Variants in TMEM63C observed in about 807,000 individuals in gnomAD.
The protein encoded by TMEM63C is transmembrane protein 63C.
In TMEM63C, 32 loss-of-function variants were observed where a neutral mutation model predicts 99.2. The ratio of observed to expected loss-of-function variants is 0.32; its 90% CI spans 0.24 to 0.43. The LOEUF is 0.43. Ranked by LOEUF, TMEM63C falls within the 20% of genes least tolerant of loss-of-function variation. TMEM63C has a pLI of 1.00. For missense variants in TMEM63C, 826 were observed against 1,053.0 expected, an observed-to-expected ratio of 0.78 and a Z score of 2.98; for synonymous variants, 376 against 397.9, an observed-to-expected ratio of 0.94 and a Z score of 0.66.
chr14:77,214,115 CT>C (rs1888539756), intron 2 of TMEM63C, among the ~76,000 whole-genome samples: 1 of 152,238 alleles, frequency 6.6e-6, no homozygotes, highest in East Asian at 1.9e-4. Flanking sequence ...CTCCTGAAAC[CT>C]TTCCATGGTG....
At chr14:77,205,266 G>C (rs779505968) in intron 1 of TMEM63C, among the ~76,000 whole-genome samples, 1 of 152,198 alleles carries the variant, frequency 6.6e-6, no homozygotes, top group Admixed American at 6.5e-5. Flanking sequence ...TAAGGAGAGC[G>C]AAGAAAGCCC....
Position 77,219,470 on chromosome 14 carries a change from A to C in TMEM63C, c.151-28A>C, listed in dbSNP as rs781317569. On this transcript the variant is annotated intron_variant, in intron 3 of 23. Transcript: ENST00000298351. Reference sequence around the variant, plus strand: ...GGGGAAGGGATCCATGAAGTCTCCCACCCCACATTGCTTTTCCTGGCCTGT... The same window carrying C: ...GGGGAAGGGATCCATGAAGTCTCCCCCCCCACATTGCTTTTCCTGGCCTGT... 3 of 1,611,988 alleles carry C rather than the reference A, an allele frequency of 1.9e-6. No individual in the cohort carries two copies. In the African/African-American group the frequency reaches 4.0e-5, roughly 22 times the overall value.
At chr14:77,226,278 C>T (rs535690365) in intron 6 of TMEM63C, among the ~76,000 whole-genome samples, 2 of 152,288 alleles carry the variant, frequency 1.3e-5, no homozygotes, top group East Asian at 3.9e-4. Flanking sequence ...CACAGAGGCC[C>T]CTCTGTCAGG....
intron 1 of TMEM63C, among the ~76,000 whole-genome samples, chr14:77,200,040 C>T (rs2140096398): frequency 6.6e-6 from 1 of 152,328 alleles, no homozygotes; most frequent in Admixed American, 6.5e-5. Context: ...ATAGCTAGTA[C>T]TCCCTTCAGT....
chr14:77,184,992 C>A (rs994117671), intron 1 of TMEM63C, among the ~76,000 whole-genome samples: 4 of 152,210 alleles, frequency 2.6e-5, no homozygotes, highest in Non-Finnish European at 5.9e-5. Flanking sequence ...CATTCCTTGC[C>A]AACACCCCTG....
intron 22 of TMEM63C, among the ~76,000 whole-genome samples, chr14:77,253,097 G>A (rs114208374): frequency 6.6e-6 from 1 of 152,186 alleles, no homozygotes; most frequent in Non-Finnish European, 1.5e-5. Flanking sequence ...CTTGGGAATA[G>A]AACATTCCAG....
In TMEM63C at chr14:77,220,102, C is replaced by A; in HGVS notation, c.312+15C>A. On this transcript the variant is annotated intron_variant, in intron 5 of 23. Coordinates refer to ENST00000298351, the MANE Select transcript of TMEM63C (RefSeq NM_020431.4). The stretch of plus-strand genomic sequence containing the variant: ...GCAGAGACAAGGTGAGTGCTGGGAG[C>A]GGTCTGGGCGGTGGGAGTCCCAGCA... 1 of 1,552,324 alleles carries A rather than the reference C, an allele frequency of 6.4e-7. No homozygotes were observed. The highest frequency in any genetic ancestry group is 8.7e-7 in the Non-Finnish European group (1 of 1,147,710).
intron 1 of TMEM63C, chr14:77,196,044 G>A (rs1888208658): frequency 6.5e-6 from 1 of 152,858 alleles, no homozygotes; most frequent in Non-Finnish European, 1.5e-5. Context: ...CCTGCACTGA[G>A]AGGGTTCTGT....
chr14:77,242,481 C>T lies in TMEM63C; in HGVS notation c.1187+12C>T. The stretch of plus-strand genomic sequence containing the variant: ...AAAGACATTATTTGGTAAGCCTCCT[C>T]CATCCCTCCCCTCTCCTCTGAGCTC... On this transcript the variant is annotated intron_variant, in intron 14 of 23. Coordinates refer to ENST00000298351, the MANE Select transcript of TMEM63C (RefSeq NM_020431.4). 2 of 1,612,712 alleles carry T rather than the reference C, an allele frequency of 1.2e-6. No individual in the cohort carries two copies. The highest frequency in any genetic ancestry group is 1.7e-6 in the Non-Finnish European group (2 of 1,179,206).
At chr14:77,220,457 A>G (rs1888670571) in intron 5 of TMEM63C, among the ~76,000 whole-genome samples, 1 of 151,898 alleles carries the variant, frequency 6.6e-6, no homozygotes, top group South Asian at 2.1e-4. Context: ...TTTCACATAG[A>G]AGATTCTAGT....
chr14:77,211,011 A>G (rs935853445), intron 1 of TMEM63C, among the ~76,000 whole-genome samples: 2 of 152,156 alleles, frequency 1.3e-5, no homozygotes, highest in Admixed American at 6.5e-5. Flanking sequence ...ACTCATGGGG[A>G]TGGTGGAGCA....
At chr14:77,239,529 G>C in intron 11 of TMEM63C, 37 bp downstream of exon 11, 1 of 1,612,334 alleles carries the variant, frequency 6.2e-7, no homozygotes, top group East Asian at 2.2e-5. Flanking sequence ...GCCCGGGGTG[G>C]GGGTAAAAGG....
chr14:77,248,515 G>A lies in TMEM63C; in HGVS notation c.1764+6G>A, dbSNP rs138349094. ...AGAGAGTCAACATCAGAAAGGTACA[G>A]ACTGGCTCTCCGCTGAGCACAGCCC... is the stretch of plus-strand genomic sequence containing the variant. On this transcript the variant is annotated splice_donor_region_variant and intron_variant, in intron 19 of 23. Transcript: ENST00000298351. 1.7e-3 allele frequency: 2,701 copies of A among 1,577,042 alleles called. 43 individuals are homozygous for A. The African/African-American group carries it at 0.032, about 19-fold the overall frequency.
chr14:77,243,017 C>G lies in TMEM63C; in HGVS notation c.1302C>G (p.Ile434Met), dbSNP rs766103237. 2 of 1,613,952 alleles carry G rather than the reference C, an allele frequency of 1.2e-6. No homozygotes were observed. The highest frequency in any genetic ancestry group is 2.2e-5 in the South Asian group (2 of 91,072). Reference protein sequence around the residue: ...LTTPAIIMNTIDMYNVTRPIE... With the variant: ...LTTPAIIMNTMDMYNVTRPIE... ...CGCCTGCCATCATCATGAACACTAT[C>G]GACATGTACAACGTCACCCGCCCCA... is the stretch of plus-strand genomic sequence containing the variant. Residue 434 changes from isoleucine (I) to methionine (M), a missense_variant, in exon 15 of 24, where the codon ATC becomes ATG. Transcript: ENST00000298351.
At chr14:77,212,913 C>G (rs1011162241) in intron 1 of TMEM63C, among the ~76,000 whole-genome samples, 17 of 152,350 alleles carry the variant, frequency 1.1e-4, no homozygotes, top group African/African-American at 3.8e-4. Flanking sequence ...GAAGGGCCAC[C>G]TGGTCCAAGC....
At chr14:77,206,754 C>T (rs1178099412) in intron 1 of TMEM63C, among the ~76,000 whole-genome samples, 4 of 152,176 alleles carry the variant, frequency 2.6e-5, no homozygotes, top group Non-Finnish European at 5.9e-5. Flanking sequence ...CTGTCAATCT[C>T]AAGCCTTCCT....
chr14:77,182,157 C>G (rs1332089934), intron 1 of TMEM63C, among the ~76,000 whole-genome samples: 1 of 152,102 alleles, frequency 6.6e-6, no homozygotes, highest in African/African-American at 2.4e-5. Flanking sequence ...CCGGTCTTCA[C>G]TGGGTTGGGG....
chr14:77,214,202 T>G (rs531029270), intron 2 of TMEM63C, among the ~76,000 whole-genome samples: 2 of 152,196 alleles, frequency 1.3e-5, no homozygotes, highest in African/African-American at 4.8e-5. Flanking sequence ...TTCTACAAGA[T>G]GAACACATCC....
Position 77,240,511 on chromosome 14 carries a change from C to T in TMEM63C, c.967C>T (p.Gln323Ter), listed in dbSNP as rs1287278408. Residue 323 changes from glutamine to a stop codon, truncating the protein, a stop_gained, in exon 13 of 24, where the codon CAG (glutamine) becomes TAG (stop). Coordinates refer to ENST00000298351, the MANE Select transcript of TMEM63C (RefSeq NM_020431.4). LOFTEE classifies it high-confidence loss of function. ...GCAGTATTACAGCGAGCTAGAGGAG[C>T]AGCTAACGGACGAGTTCAACGCCGA... ...AEQYYSELEEQLTDEFNAELN... is the reference protein window; with the variant it reads ...AEQYYSELEE 6.2e-7 allele frequency: 1 copy of T among 1,611,770 alleles called. No individual in the cohort carries two copies. The highest frequency in any genetic ancestry group is 8.5e-7 in the Non-Finnish European group (1 of 1,179,808).
Sources: allele counts gnomAD v4.1 joint callset (sites outside exome capture counted in the v4.1 genomes callset), GRCh38; gene constraint gnomAD v4.1.1; transcripts MANE v1.5; gene names NCBI Gene and HGNC (gene_info 2026-07-23, HGNC 2026-07-21).